COL5A2: variants seen among roughly 807,000 people sequenced by gnomAD.
COL5A2 encodes the protein collagen type V alpha 2 chain, also known as collagen alpha-2(V) chain.
Under a neutral mutation model 208.2 loss-of-function variants are expected in COL5A2, and 23 were observed. The observed-to-expected ratio is 0.11, with a 90% confidence interval of 0.08 to 0.16. The LOEUF is 0.16. Among genes scored for constraint, COL5A2 ranks in the 10% least tolerant of loss-of-function variants. The pLI, the probability that COL5A2 is intolerant of heterozygous loss-of-function variation, is 1.00. For synonymous variants in COL5A2, 625 were observed against 628.5 expected (o/e 0.99, Z 0.08); for missense variants, 1,590 against 1,956.4 (o/e 0.81, Z 3.53).
chr2:189,178,395 T>C (rs1349169680), intron 1 of COL5A2, among the ~76,000 whole-genome samples: 2 of 151,954 alleles, frequency 1.3e-5, no homozygotes, highest in African/African-American at 2.4e-5. Flanking sequence ...TATATATACA[T>C]ATATACCTGT....
At chr2:189,189,188 T>C (rs1326977781) in intron 1 of COL5A2, among the ~76,000 whole-genome samples, 2 of 152,194 alleles carry the variant, frequency 1.3e-5, no homozygotes, top group Non-Finnish European at 2.9e-5. Context: ...TACCAAATTA[T>C]TTGAAAATAC....
At chr2:189,034,752 T>C (rs1482966909) in intron 53 of COL5A2, among the ~76,000 whole-genome samples, 164 bp downstream of exon 53, 1 of 152,182 alleles carries the variant, frequency 6.6e-6, no homozygotes, top group Non-Finnish European at 1.5e-5. Flanking sequence ...TCATGCTTCA[T>C]GTGCTAACAC....
chr2:189,076,083 G>T (rs1686399096), intron 16 of COL5A2, among the ~76,000 whole-genome samples: 1 of 152,144 alleles, frequency 6.6e-6, no homozygotes, highest in Admixed American at 6.5e-5. Context: ...AATTGACTGA[G>T]ATCTCTGTTG....
chr2:189,059,585 G>GTTTTTT (rs71020980), intron 31 of COL5A2, among the ~76,000 whole-genome samples: 1,169 of 28,570 alleles, frequency 0.041, 319 homozygotes, highest in African/African-American at 0.06. Flanking sequence ...TTCTTTTCTG[G>GTTTTTT]TTTTTTTTTT....
chr2:189,087,641 T>TC (rs1686692037), intron 8 of COL5A2, among the ~76,000 whole-genome samples: 1 of 150,248 alleles, frequency 6.7e-6, no homozygotes, highest in South Asian at 2.1e-4. Context: ...TTTTTTTTTT[T>TC]TTTTTTTAGT....
At chr2:189,354,458 CT>C in the COL5A2 span, among the ~76,000 whole-genome samples, 29 of 152,232 alleles carry the variant, frequency 1.9e-4, no homozygotes, top group African/African-American at 7.0e-4. Flanking sequence ...AATTTCAGAA[CT>C]TGTTATTGGT....
chr2:189,396,671 TAAA>T, the COL5A2 span, among the ~76,000 whole-genome samples: 851 of 102,370 alleles, frequency 8.3e-3, 7 homozygotes, highest in African/African-American at 0.018. Context: ...AAGACTCCAT[TAAA>T]AAAAAAAAAA....
the COL5A2 span, among the ~76,000 whole-genome samples, chr2:189,265,864 G>C: frequency 6.6e-6 from 1 of 152,144 alleles, no homozygotes; most frequent in African/African-American, 2.4e-5. Flanking sequence ...CTCATACACT[G>C]CTAGAAGGAA....
At chr2:189,341,553 A>C in the COL5A2 span, among the ~76,000 whole-genome samples, 4 of 152,190 alleles carry the variant, frequency 2.6e-5, no homozygotes, top group Non-Finnish European at 5.9e-5. Context: ...CTATATAACA[A>C]AACAGGGACA....
chr2:189,098,393 T>C (rs753931358), intron 5 of COL5A2, among the ~76,000 whole-genome samples: 5 of 152,238 alleles, frequency 3.3e-5, no homozygotes, highest in Non-Finnish European at 5.9e-5. Flanking sequence ...AGCCTACCAT[T>C]AATCATAGTC....
chr2:189,104,763 T>C (rs1038675199), intron 2 of COL5A2, among the ~76,000 whole-genome samples: 25 of 151,868 alleles, frequency 1.6e-4, no homozygotes, highest in African/African-American at 6.0e-4. Context: ...GTTTCTCGTA[T>C]GTTGTTCTCA....
At chr2:189,351,316 A>T in the COL5A2 span, among the ~76,000 whole-genome samples, 1 of 152,340 alleles carries the variant, frequency 6.6e-6, no homozygotes, top group Admixed American at 6.5e-5. Flanking sequence ...ATTCACAATG[A>T]AGTTTTTGCA....
the COL5A2 span, among the ~76,000 whole-genome samples, chr2:189,271,790 A>G: frequency 6.6e-6 from 1 of 152,204 alleles, no homozygotes; most frequent in East Asian, 1.9e-4. Context: ...CAGAATCTAC[A>G]AGGAACTTAA....
At chr2:189,082,398 T>C (rs1237960698) in intron 12 of COL5A2, among the ~76,000 whole-genome samples, 2 of 152,220 alleles carry the variant, frequency 1.3e-5, no homozygotes, top group Admixed American at 1.3e-4. Context: ...TTCTTCTGTT[T>C]ACACAACCCC....
At chr2:189,079,819 C>A (rs900618590) in intron 14 of COL5A2, among the ~76,000 whole-genome samples, 159 bp downstream of exon 14, 10 of 152,134 alleles carry the variant, frequency 6.6e-5, no homozygotes, top group African/African-American at 1.9e-4. Context: ...CATGGTAAAG[C>A]CATTGCCACT....
rs545574407 is a variant in COL5A2, at chr2:189,080,991, C to T, written c.905G>A (p.Arg302Gln). 8.7e-6 allele frequency: 14 copies of T among 1,612,828 alleles called. No individual in the cohort carries two copies. The highest frequency in any genetic ancestry group is 1.6e-4 in the Middle Eastern group (1 of 6,080). ...APGLPGLKGH[R>Q]GHKGLEGPKG... is the part of the protein sequence containing the mutation. ...AGGATTACAATAGATTGAACTTACT[C>T]GGTGACCCTTCAGACCTGGAAGACC... is the stretch of plus-strand genomic sequence containing the variant. Residue 302 changes from arginine (R) to glutamine (Q), a missense_variant and splice_region_variant, in exon 13 of 54, where the codon CGA becomes CAA. By Grantham distance (43) the Arg-to-Gln change is conservative (BLOSUM62 1). Transcript: ENST00000374866.
chr2:189,143,862 T>C (rs534360314), intron 1 of COL5A2, among the ~76,000 whole-genome samples: 22 of 152,124 alleles, frequency 1.4e-4, no homozygotes, highest in African/African-American at 5.1e-4. Flanking sequence ...TATAATAACA[T>C]AAAAAAATCC....
chr2:189,295,048 A>G, the COL5A2 span, among the ~76,000 whole-genome samples: 2 of 151,718 alleles, frequency 1.3e-5, no homozygotes, highest in Non-Finnish European at 2.9e-5. Context: ...GGCTCAAGCA[A>G]TCCTCTTGCC....
intron 7 of COL5A2, 92 bp downstream of exon 7, chr2:189,092,218 A>G (rs878988381): frequency 2.4e-6 from 2 of 834,580 alleles, no homozygotes; most frequent in South Asian, 1.4e-5. Context: ...TCAAGTGTCA[A>G]TATCTGAACA....
Sources: gnomAD v4.1 joint callset for allele counts (sites outside exome capture counted in the v4.1 genomes callset) on GRCh38, gnomAD v4.1.1 for gene constraint, MANE v1.5 for transcripts, NCBI Gene and HGNC (gene_info 2026-07-23, HGNC 2026-07-21) for gene names.